Variants in EIF3E observed in about 807,000 individuals in gnomAD.
The protein encoded by EIF3E is eIF-3 p48.
A neutral mutation model predicts 59.3 loss-of-function variants in EIF3E; 25 were observed. The ratio of observed to expected loss-of-function variants is 0.42; its 90% confidence interval spans 0.31 to 0.59. The LOEUF is 0.59. Among genes scored for constraint, EIF3E ranks in the 20% least tolerant of loss-of-function variants. The probability of loss-of-function intolerance (pLI) is 0.15; values close to 1 mark genes in which losing one functional copy is unlikely to be tolerated. For missense variants in EIF3E, 317 were observed against 534.3 expected (o/e 0.59, Z 4.01); for synonymous variants, 176 against 170.2 (o/e 1.03, Z -0.26).
chr8:108,205,264 C>T (rs940414871), intron 10 of EIF3E, among the ~76,000 whole-genome samples: 3 of 152,238 alleles, frequency 2.0e-5, no homozygotes, highest in East Asian at 3.9e-4. Context: ...CCAAAGTGCA[C>T]GCACCGTATC....
At chr8:108,247,300 C>T (rs1323454549) in intron 1 of EIF3E, among the ~76,000 whole-genome samples, 1 of 152,150 alleles carries the variant, frequency 6.6e-6, no homozygotes, top group Non-Finnish European at 1.5e-5. Flanking sequence ...AGTACTTCTA[C>T]AAGCAGCTGG....
At chr8:108,230,385 G>C (rs1367311207) in intron 5 of EIF3E, among the ~76,000 whole-genome samples, 4 of 151,964 alleles carry the variant, frequency 2.6e-5, no homozygotes, top group African/African-American at 9.7e-5. Context: ...ATAAGAACTT[G>C]GTAAATCTGA....
intron 2 of EIF3E, among the ~76,000 whole-genome samples, chr8:108,240,909 G>A (rs1239019721): frequency 2.0e-5 from 3 of 152,010 alleles, no homozygotes; most frequent in East Asian, 1.9e-4. Flanking sequence ...GAACCCGGGA[G>A]GCGGAGCTTA....
chr8:108,233,884 CTACT>C (rs1563635327), intron 5 of EIF3E, among the ~76,000 whole-genome samples: 1 of 148,106 alleles, frequency 6.8e-6, no homozygotes, highest in African/African-American at 2.5e-5. Flanking sequence ...CTTTAAGTAC[CTACT>C]TACTAGTCCA....
intron 3 of EIF3E, among the ~76,000 whole-genome samples, 168 bp from the exon 4 acceptor site, chr8:108,236,371 G>T (rs990581113): frequency 6.6e-6 from 1 of 152,132 alleles, no homozygotes; most frequent in African/African-American, 2.4e-5. Flanking sequence ...TTGAATATAA[G>T]AAGTATACAA....
At chr8:108,213,874 C>T (rs564183884) in intron 10 of EIF3E, among the ~76,000 whole-genome samples, 1 of 152,130 alleles carries the variant, frequency 6.6e-6, no homozygotes, top group Admixed American at 6.5e-5. Context: ...ATTAGGCAAG[C>T]GAAGTATGGA....
chr8:108,203,563 TAC>T lies in EIF3E; in HGVS notation c.1062-62_1062-61del, dbSNP rs997335840. On this transcript the variant is annotated intron_variant, in intron 10 of 12. Coordinates refer to ENST00000220849, the MANE Select transcript of EIF3E (RefSeq NM_001568.3). Reference sequence around the variant, plus strand: ...CTGGGCCTAAAAACTTAGTTTTATGTACACAGTGTTGACTCACACTCTGCATA... The same window carrying T: ...CTGGGCCTAAAAACTTAGTTTTATGTACAGTGTTGACTCACACTCTGCATA... 10 of 1,351,934 alleles carry T rather than the reference TAC, an allele frequency of 7.4e-6. 1 individual carries two copies. Among genetic ancestry groups the T allele is most frequent in the South Asian group, 5.9e-5 (5 of 85,090 alleles). The allele number at this position is 1,351,934 out of a possible 1,614,324, so 83.7% of individuals were successfully genotyped here.
At chr8:108,210,591 C>T (rs1417323091) in intron 10 of EIF3E, among the ~76,000 whole-genome samples, 3 of 152,080 alleles carry the variant, frequency 2.0e-5, no homozygotes, top group East Asian at 1.9e-4. Context: ...TTATTTCCAG[C>T]CACTGTCTTT....
chr8:108,212,994 A>G (rs1815241014), intron 10 of EIF3E, among the ~76,000 whole-genome samples: 2 of 152,180 alleles, frequency 1.3e-5, no homozygotes, highest in African/African-American at 4.8e-5. Flanking sequence ...ATTTTTGTCT[A>G]GCAGAAAACT....
chr8:108,221,050 C>T (rs112514096), intron 7 of EIF3E, among the ~76,000 whole-genome samples: 3,155 of 147,238 alleles, frequency 0.021, 125 homozygotes, highest in African/African-American at 0.075. Context: ...AAGGACAGGA[C>T]AGGACAGGAC....
chr8:108,240,466 C>G (rs1815813793), intron 2 of EIF3E, among the ~76,000 whole-genome samples: 1 of 151,996 alleles, frequency 6.6e-6, no homozygotes, highest in Non-Finnish European at 1.5e-5. Context: ...GAATATTATC[C>G]CAGAGTTTTT....
At chr8:108,234,805 T>C (rs112197348) in intron 5 of EIF3E, 193 bp downstream of exon 5, 21 of 368,240 alleles carry the variant, frequency 5.7e-5, no homozygotes, top group African/African-American at 2.5e-4. Context: ...CCTCCAAATT[T>C]TGAGGCCCTG....
rs747985915 is a variant in EIF3E, at chr8:108,216,531, C to T, written c.850-18G>A. The T allele has an allele frequency of 1.5e-5, 23 of 1,533,986 alleles. No homozygotes were observed. Among genetic ancestry groups the T allele is most frequent in the East Asian group, 1.1e-4 (5 of 43,824 alleles). On this transcript the variant is annotated intron_variant, in intron 8 of 12. Transcript: ENST00000220849. ...TAAGACTCCTGTAAAAATAAGTCAA[C>T]GGTCAAGGTAAGTCTGATTCAACAT...
At chr8:108,202,935 T>G in intron 12 of EIF3E, 48 bp downstream of exon 12, 1 of 1,558,700 alleles carries the variant, frequency 6.4e-7, no homozygotes, top group Non-Finnish European at 8.7e-7. Flanking sequence ...ATGTAACAAT[T>G]ACATGGTTGC....
At chr8:108,240,877 G>A (rs553831745) in intron 2 of EIF3E, among the ~76,000 whole-genome samples, 221 of 152,218 alleles carry the variant, frequency 1.5e-3, no homozygotes, top group Non-Finnish European at 2.3e-3. Context: ...CTACTCGGGA[G>A]GCTGAGGCAG....
chr8:108,211,794 C>T (rs1398251961), intron 10 of EIF3E, among the ~76,000 whole-genome samples: 3 of 152,200 alleles, frequency 2.0e-5, no homozygotes, highest in Non-Finnish European at 4.4e-5. Context: ...TGCTGCAAAT[C>T]ATAGCATAGC....
intron 9 of EIF3E, among the ~76,000 whole-genome samples, chr8:108,215,198 C>A (rs1440113470): frequency 2.7e-5 from 4 of 150,058 alleles, no homozygotes; most frequent in Non-Finnish European, 5.9e-5. Flanking sequence ...CTTTTAACAT[C>A]AAAACCTAGA....
chr8:108,248,194 A>G (rs1294384613), intron 1 of EIF3E, among the ~76,000 whole-genome samples: 2 of 152,202 alleles, frequency 1.3e-5, no homozygotes, highest in African/African-American at 4.8e-5. Flanking sequence ...TCGACATGCA[A>G]AAACCCACAG....
At chr8:108,228,485 A>C in intron 6 of EIF3E, 94 bp from the exon 7 acceptor site, 1 of 1,037,668 alleles carries the variant, frequency 9.6e-7, no homozygotes. Flanking sequence ...GTAATTAAAA[A>C]TGAGCCCCTT....
Sources: allele counts gnomAD v4.1 joint callset (sites outside exome capture counted in the v4.1 genomes callset), GRCh38; gene constraint gnomAD v4.1.1; transcripts MANE v1.5; gene names NCBI Gene and HGNC (gene_info 2026-07-23, HGNC 2026-07-21).